Variants in STXBP6 observed in about 807,000 individuals in gnomAD.
The protein encoded by STXBP6 is syntaxin binding protein 6.
STXBP6 carries 21 observed loss-of-function variants against 26.9 expected under a neutral mutation model. The observed-to-expected ratio is 0.78, with a 90% confidence interval of 0.55 to 1.12. The LOEUF is 1.12. STXBP6 is among the 50% of genes most tolerant of loss of function. STXBP6 has a pLI of 0.00. For missense variants in STXBP6, 232 were observed against 257.9 expected (o/e 0.90, Z 0.69); for synonymous variants, 97 against 92.6 (o/e 1.05, Z -0.27).
intron 1 of STXBP6, among the ~76,000 whole-genome samples, chr14:25,018,449 G>T (rs774941048): frequency 1.2e-4 from 19 of 152,078 alleles, no homozygotes; most frequent in South Asian, 2.1e-4. Flanking sequence ...ATCTGAGAGG[G>T]GTAATATAAT....
At chr14:24,948,698 G>T (rs926631628) in intron 2 of STXBP6, among the ~76,000 whole-genome samples, 1 of 152,160 alleles carries the variant, frequency 6.6e-6, no homozygotes. Context: ...ACCAGAGACC[G>T]CTAGGTTGTA....
chr14:24,870,432 G>A (rs888710660), intron 2 of STXBP6, among the ~76,000 whole-genome samples: 20 of 152,132 alleles, frequency 1.3e-4, no homozygotes, highest in African/African-American at 4.8e-4. Context: ...TGTACGGTTT[G>A]TACTTCTGCC....
chr14:24,908,085 T>C (rs1209441828), intron 2 of STXBP6, among the ~76,000 whole-genome samples: 13 of 152,342 alleles, frequency 8.5e-5, no homozygotes, highest in Non-Finnish European at 1.6e-4. Flanking sequence ...ACAGCATCAA[T>C]GATTTGCTAC....
chr14:24,913,642 A>T (rs1170523248), intron 2 of STXBP6, among the ~76,000 whole-genome samples: 1 of 152,208 alleles, frequency 6.6e-6, no homozygotes, highest in East Asian at 1.9e-4. Context: ...AGACATCACT[A>T]AAAGTTTTTA....
At chr14:25,048,363 T>G (rs1173737663) in intron 1 of STXBP6, among the ~76,000 whole-genome samples, 1 of 152,170 alleles carries the variant, frequency 6.6e-6, no homozygotes, top group East Asian at 1.9e-4. Context: ...AAGTTCAGAG[T>G]GACTAATCAT....
At chr14:24,999,704 G>A (rs1455579305) in intron 1 of STXBP6, among the ~76,000 whole-genome samples, 1 of 152,126 alleles carries the variant, frequency 6.6e-6, no homozygotes, top group Non-Finnish European at 1.5e-5. Flanking sequence ...AAAGACTTCA[G>A]TTTAAAAACA....
At chr14:24,929,402 T>A (rs1389630484) in intron 2 of STXBP6, among the ~76,000 whole-genome samples, 2 of 152,242 alleles carry the variant, frequency 1.3e-5, no homozygotes, top group Non-Finnish European at 2.9e-5. Flanking sequence ...TTTCTAAATG[T>A]CTCCATATAC....
rs183483109 is a variant in STXBP6 at position 24,871,920 on chromosome 14, A to C, written c.155-14763T>G. On this transcript the variant is annotated intron_variant, in intron 2 of 5. Transcript: ENST00000323944. Reference sequence around the variant, plus strand: ...GCAATGCATCTGCTCGAGAGTCTTTACTAATAATCTGGTGCCTCCATCTGA... The same window carrying C: ...GCAATGCATCTGCTCGAGAGTCTTTCCTAATAATCTGGTGCCTCCATCTGA... 2.3e-3 allele frequency among the ~76,000 whole-genome samples: 349 copies of C among 152,286 alleles called. 1 individual carries two copies. Among genetic ancestry groups the C allele is most frequent in the Middle Eastern group, 0.014 (4 of 294 alleles).
chr14:24,933,207 T>C (rs537155881), intron 2 of STXBP6, among the ~76,000 whole-genome samples: 2 of 152,238 alleles, frequency 1.3e-5, no homozygotes, highest in East Asian at 3.9e-4. Flanking sequence ...CTGGGTGCAG[T>C]GGTGACTGCC....
At chr14:24,940,727 G>A (rs996966035) in intron 2 of STXBP6, among the ~76,000 whole-genome samples, 2 of 152,094 alleles carry the variant, frequency 1.3e-5, no homozygotes, top group African/African-American at 4.8e-5. Context: ...TTAAAACCAA[G>A]TAACTGGCCT....
At chr14:24,962,633 AC>A (rs2073587752) in intron 2 of STXBP6, among the ~76,000 whole-genome samples, 1 of 152,154 alleles carries the variant, frequency 6.6e-6, no homozygotes, top group South Asian at 2.1e-4. Flanking sequence ...ATTGTCAAAT[AC>A]AATAAAATTG....
At chr14:24,813,124 T>C (rs2067871265) in intron 5 of STXBP6, among the ~76,000 whole-genome samples, 1 of 152,192 alleles carries the variant, frequency 6.6e-6, no homozygotes, top group Non-Finnish European at 1.5e-5. Flanking sequence ...TTGTATTTAC[T>C]GGCATCTCAT....
chr14:24,896,839 T>C (rs1395932214), intron 2 of STXBP6, among the ~76,000 whole-genome samples: 1 of 152,094 alleles, frequency 6.6e-6, no homozygotes, highest in African/African-American at 2.4e-5. Flanking sequence ...AACAAAAGCA[T>C]CCGGAGTAAG....
intron 2 of STXBP6, among the ~76,000 whole-genome samples, chr14:24,871,245 C>T (rs909971864): frequency 1.3e-5 from 2 of 152,130 alleles, no homozygotes; most frequent in Admixed American, 6.6e-5. Context: ...TTCTCCAGCT[C>T]CCATTCCCAA....
intron 1 of STXBP6, among the ~76,000 whole-genome samples, chr14:25,003,979 T>C (rs998158660): frequency 6.6e-6 from 1 of 152,244 alleles, no homozygotes; most frequent in African/African-American, 2.4e-5. Context: ...ACATAATATA[T>C]AAAGCACTGT....
intron 1 of STXBP6, among the ~76,000 whole-genome samples, chr14:25,017,712 AAG>A (rs1595329053): frequency 1.3e-5 from 2 of 152,168 alleles, no homozygotes; most frequent in Admixed American, 6.5e-5. Flanking sequence ...GAGTGCTTTC[AAG>A]AGAGTTTTCT....
intron 5 of STXBP6, among the ~76,000 whole-genome samples, chr14:24,818,641 A>C (rs2068049540): frequency 2.0e-5 from 3 of 152,186 alleles, no homozygotes; most frequent in Admixed American, 2.0e-4. Flanking sequence ...AGGATGGAAA[A>C]GCAAGCACGA....
intron 2 of STXBP6, among the ~76,000 whole-genome samples, chr14:24,929,538 C>A (rs2072305247): frequency 6.6e-6 from 1 of 152,198 alleles, no homozygotes; most frequent in Non-Finnish European, 1.5e-5. Context: ...CCCACGTTGG[C>A]AGTTTCAGGA....
At chr14:24,981,732 A>G (rs954566406) in intron 1 of STXBP6, among the ~76,000 whole-genome samples, 1 of 152,188 alleles carries the variant, frequency 6.6e-6, no homozygotes. Context: ...TGCACACACC[A>G]TGTGTGTGTT....
Sources: allele counts gnomAD v4.1 joint callset (sites outside exome capture counted in the v4.1 genomes callset), GRCh38; gene constraint gnomAD v4.1.1; transcripts MANE v1.5; gene names NCBI Gene and HGNC (gene_info 2026-07-23, HGNC 2026-07-21).